Variants in DPY19L2 observed in about 807,000 individuals in gnomAD.
DPY19L2 encodes probable C-mannosyltransferase DPY19L2.
DPY19L2 carries 34 observed loss-of-function variants against 97.9 expected under a neutral mutation model. The observed-to-expected ratio is 0.35, with a 90% CI of 0.26 to 0.46. DPY19L2 has a LOEUF of 0.46. Ranked by LOEUF, DPY19L2 falls within the 20% of genes least tolerant of loss-of-function variation. DPY19L2 has a pLI of 1.00. For missense variants in DPY19L2, 623 were observed against 911.4 expected, an observed-to-expected ratio of 0.68 and a Z score of 4.07; for synonymous variants, 230 against 307.9, an observed-to-expected ratio of 0.75 and a Z score of 2.65.
intron 6 of DPY19L2, among the ~76,000 whole-genome samples, chr12:63,631,796 A>G (rs1890725709): frequency 6.6e-6 from 1 of 152,184 alleles, no homozygotes; most frequent in Non-Finnish European, 1.5e-5. Context: ...CCTGAAGAAC[A>G]TTAATGCAAA....
At chr12:63,653,891 C>T (rs1331953881) in intron 4 of DPY19L2, among the ~76,000 whole-genome samples, 1 of 151,910 alleles carries the variant, frequency 6.6e-6, no homozygotes, top group Non-Finnish European at 1.5e-5. Flanking sequence ...ACAACACTTG[C>T]CGAATGCTGA....
At position 63,559,988 on chromosome 12, in the gene DPY19L2, T is replaced by C. The variant is rs34863576; in HGVS notation, c.*524A>G. ...AGTATTAAAAGGTATTAGAGATCTT[T>C]CTTAAGGGCTGGTAAAATAAAAACA... On this transcript the variant is annotated 3_prime_UTR_variant, in exon 22 of 22. Coordinates refer to ENST00000324472, the MANE Select transcript of DPY19L2 (RefSeq NM_173812.5). The C allele has an allele frequency of 0.15, 23,125 of 152,304 alleles. 1,999 individuals carry two copies. The highest frequency in any genetic ancestry group is 0.22 in the Middle Eastern group (65 of 294). 9.4% of individuals were successfully genotyped at this position (152,304 alleles called of 1,614,324 possible). A position where few individuals can be genotyped will look rare whatever the true frequency, so the allele number is the denominator to read the frequency against.
intron 6 of DPY19L2, among the ~76,000 whole-genome samples, chr12:63,628,647 G>A (rs1565795973): frequency 6.6e-6 from 1 of 152,018 alleles, no homozygotes; most frequent in Non-Finnish European, 1.5e-5. Flanking sequence ...GGGGCAGGAC[G>A]TTGCCAAACA....
intron 16 of DPY19L2, among the ~76,000 whole-genome samples, chr12:63,584,609 C>T (rs1472843509): frequency 6.6e-6 from 1 of 152,182 alleles, no homozygotes; most frequent in African/African-American, 2.4e-5. Flanking sequence ...TCCAGCATAT[C>T]CATGCTCTAT....
At chr12:63,651,549 T>TA (rs57923468) in intron 4 of DPY19L2, 44,667 of 189,828 alleles carry the variant, frequency 0.24, 5,602 homozygotes, top group East Asian at 0.43. Flanking sequence ...AAATCGAAAG[T>TA]AAAAAAAAAC....
chr12:63,604,314 T>C (rs1443389064), intron 12 of DPY19L2, among the ~76,000 whole-genome samples: 3 of 152,176 alleles, frequency 2.0e-5, no homozygotes, highest in Non-Finnish European at 4.4e-5. Context: ...TTGGCATGGA[T>C]TTCTCTGGGT....
At chr12:63,612,104 AAAC>A (rs1361852905) in intron 11 of DPY19L2, among the ~76,000 whole-genome samples, 2 of 152,046 alleles carry the variant, frequency 1.3e-5, no homozygotes, top group East Asian at 3.8e-4. Flanking sequence ...AAAAAAATGC[AAAC>A]AACAAGACAA....
chr12:63,561,532 T>G (rs911426152), intron 21 of DPY19L2, among the ~76,000 whole-genome samples: 2 of 152,084 alleles, frequency 1.3e-5, no homozygotes, highest in Non-Finnish European at 2.9e-5. Flanking sequence ...CTTTTCATTT[T>G]TGGCTTCTTT....
chr12:63,617,908 TAATA>T (rs1197048902), intron 10 of DPY19L2, among the ~76,000 whole-genome samples: 1 of 152,038 alleles, frequency 6.6e-6, no homozygotes, highest in African/African-American at 2.4e-5. Flanking sequence ...GTAGTAATAA[TAATA>T]AGTAAAACAA....
At chr12:63,644,704 ATATG>A (rs758371073) in intron 5 of DPY19L2, among the ~76,000 whole-genome samples, 1 of 151,978 alleles carries the variant, frequency 6.6e-6, no homozygotes, top group African/African-American at 2.4e-5. Context: ...GTGTGTATAT[ATATG>A]TGTGTGTATA....
chr12:63,656,672 A>T (rs1895014458), intron 4 of DPY19L2, among the ~76,000 whole-genome samples: 1 of 152,088 alleles, frequency 6.6e-6, no homozygotes, highest in South Asian at 2.1e-4. Context: ...CTGGGATTCT[A>T]ATTATGCATA....
In DPY19L2 at chr12:63,600,607, A is replaced by G. The variant is rs1011788552; in HGVS notation, c.1279-221T>C. ...GCAACACTAGAATTCTACATATCCT[A>G]AATCTTTTTTTTTTTTTTTTTTTTG... On this transcript the variant is annotated intron_variant, in intron 12 of 21. Transcript: ENST00000324472. 1.0e-4 allele frequency among the ~76,000 whole-genome samples: 14 copies of G among 135,114 alleles called. No homozygotes were observed. The South Asian group carries it at 2.5e-3, about 24-fold the overall frequency. 88.6% of individuals were successfully genotyped at this position (135,114 alleles called of 152,430 possible).
chr12:63,646,866 T>C (rs1893479795), intron 5 of DPY19L2, among the ~76,000 whole-genome samples: 1 of 152,304 alleles, frequency 6.6e-6, no homozygotes, highest in East Asian at 1.9e-4. Context: ...TAAATATGTA[T>C]GCATAATTAA....
At chr12:63,662,037 G>A (rs1328071554) in intron 3 of DPY19L2, among the ~76,000 whole-genome samples, 1 of 152,032 alleles carries the variant, frequency 6.6e-6, no homozygotes, top group Non-Finnish European at 1.5e-5. Context: ...GACTATTGTT[G>A]CTCACAAACG....
intron 6 of DPY19L2, among the ~76,000 whole-genome samples, chr12:63,635,423 T>C (rs1465652391): frequency 1.3e-5 from 2 of 152,066 alleles, no homozygotes; most frequent in Non-Finnish European, 2.9e-5. Flanking sequence ...AGAGCAAAGC[T>C]GGAAGGAGAA....
At chr12:63,643,094 A>G (rs1892925994) in intron 6 of DPY19L2, among the ~76,000 whole-genome samples, 1 of 152,044 alleles carries the variant, frequency 6.6e-6, no homozygotes, top group Non-Finnish European at 1.5e-5. Flanking sequence ...TTTGAGTTTA[A>G]ATATTAATGC....
At chr12:63,663,276 C>CA (rs1172053545) in intron 3 of DPY19L2, among the ~76,000 whole-genome samples, 1 of 151,740 alleles carries the variant, frequency 6.6e-6, no homozygotes, top group Non-Finnish European at 1.5e-5. Context: ...ATATGTACAG[C>CA]ACAAAACTCC....
At chr12:63,573,023 C>T (rs994982631) in intron 19 of DPY19L2, among the ~76,000 whole-genome samples, 3 of 151,998 alleles carry the variant, frequency 2.0e-5, no homozygotes, top group Admixed American at 2.0e-4. Context: ...AAATACCTAA[C>T]TCTTCAATGC....
chr12:63,621,991 C>G (rs1255721750), intron 8 of DPY19L2, among the ~76,000 whole-genome samples: 1 of 152,044 alleles, frequency 6.6e-6, no homozygotes, highest in Non-Finnish European at 1.5e-5. Flanking sequence ...AAAACTGCAA[C>G]TCTTCCTTTT....
Sources: gnomAD v4.1 joint callset for allele counts (sites outside exome capture counted in the v4.1 genomes callset) on GRCh38, gnomAD v4.1.1 for gene constraint, MANE v1.5 for transcripts, NCBI Gene and HGNC (gene_info 2026-07-23, HGNC 2026-07-21) for gene names.